POLQ: variants seen among roughly 807,000 people sequenced by gnomAD.
The protein encoded by POLQ is DNA polymerase theta.
A neutral mutation model predicts 259.2 loss-of-function variants in POLQ; 233 were observed. The ratio of observed to expected loss-of-function variants is 0.90; its 90% CI spans 0.81 to 1.00. The LOEUF (loss-of-function observed/expected upper bound fraction) is 1.00. Among genes scored for constraint, POLQ ranks in the 50% least tolerant of loss-of-function variants. The probability of loss-of-function intolerance (pLI) is 0.00; values close to 1 mark genes in which losing one functional copy is unlikely to be tolerated. For synonymous variants in POLQ, 1,025 were observed against 1,048.8 expected (o/e 0.98, Z 0.44); for missense variants, 2,871 against 3,051.6 (o/e 0.94, Z 1.39).
intron 25 of POLQ, among the ~76,000 whole-genome samples, chr3:121,453,723 A>G (rs542585431): frequency 1.3e-5 from 2 of 152,290 alleles, no homozygotes; most frequent in Admixed American, 1.3e-4. Flanking sequence ...AAGAAATATG[A>G]GATTATGTGA....
Position 121,432,423 on chromosome 3 carries a change from GAA to G in POLQ, c.7660-8_7660-7del. 4 of 1,460,696 alleles carry G rather than the reference GAA, an allele frequency of 2.7e-6. No homozygotes were observed. The highest frequency in any genetic ancestry group is 2.5e-5 in the East Asian group (1 of 40,250). 90.5% of individuals were successfully genotyped at this position (1,460,696 alleles called of 1,614,324 possible). A position where few individuals can be genotyped will look rare whatever the true frequency, so the allele number is the denominator to read the frequency against. Reference sequence around the variant, plus strand: ...TTCTTGACAATCTGAGCTACCTAAGGAAAAAAAAAATGTAGTTAACAAACTGC... The same window carrying G: ...TTCTTGACAATCTGAGCTACCTAAGGAAAAAAAATGTAGTTAACAAACTGC... On this transcript the variant is annotated splice_polypyrimidine_tract_variant and splice_region_variant and intron_variant, in intron 29 of 29. Transcript: ENST00000264233.
rs771693032 is a variant in POLQ at position 121,488,183 on chromosome 3, T to C, written c.4748A>G (p.His1583Arg). ...VDIFPVQEKN[H>R]TVVSPRALEL... ...TAATGCTCTAGGAGATACTACAGTA[T>C]GATTCTTCTCTTGGACAGGAAATAT... The change falls in exon 16 of 30, where the codon CAT (histidine) becomes CGT (arginine). Residue 1583 changes from histidine to arginine, a missense_variant. His to Arg is a conservative substitution (Grantham distance 29). This residue lies in a region of POLQ where 2,080 missense variants were observed against 2,126.0 expected (regional missense o/e 0.98). Transcript: ENST00000264233. 3 of 1,613,642 alleles carry C rather than the reference T, an allele frequency of 1.9e-6. No homozygotes were observed. Among genetic ancestry groups the C allele is most frequent in the Non-Finnish European group, 2.5e-6 (3 of 1,179,836 alleles).
Position 121,521,988 on chromosome 3 carries a change from A to G in POLQ, c.1255+15T>C, listed in dbSNP as rs536492571. The G allele has an allele frequency of 1.9e-6, 3 of 1,538,598 alleles. No individual in the cohort carries two copies. In the Admixed American group the frequency reaches 6.7e-5, roughly 34 times the overall value. On this transcript the variant is annotated intron_variant, in intron 8 of 29. Coordinates refer to ENST00000264233, the MANE Select transcript of POLQ (RefSeq NM_199420.4). ...ATTTTGGAGGTTTCTTAATAACATT[A>G]TAAATATGAAATACCTGCATGATGA...
intron 20 of POLQ, among the ~76,000 whole-genome samples, chr3:121,475,412 TG>T (rs2047917626): frequency 6.6e-6 from 1 of 152,136 alleles, no homozygotes; most frequent in Admixed American, 6.6e-5. Context: ...AATTTCAAAC[TG>T]GATGTGCCAT....
intron 22 of POLQ, among the ~76,000 whole-genome samples, chr3:121,469,199 A>AG (rs2047863844): frequency 6.6e-6 from 1 of 151,882 alleles, no homozygotes; most frequent in Admixed American, 6.6e-5. Context: ...AAAAAAAAAA[A>AG]AAAAATGCTT....
chr3:121,519,856 T>G lies in POLQ; in HGVS notation c.1468+15A>C. ...CTTCAGCAATGCTGCTACAATTAAA[T>G]TCAAACTCACTTACCTACTGTGTCC... is the stretch of plus-strand genomic sequence containing the variant. On this transcript the variant is annotated intron_variant, in intron 9 of 29. Coordinates refer to ENST00000264233, the MANE Select transcript of POLQ (RefSeq NM_199420.4). 1 of 1,390,776 alleles carries G rather than the reference T, an allele frequency of 7.2e-7. No individual in the cohort carries two copies. Among genetic ancestry groups the G allele is most frequent in the East Asian group, 2.3e-5 (1 of 43,766 alleles). The allele number at this position is 1,390,776 out of a possible 1,614,324, so 86.2% of individuals were successfully genotyped here. A position where few individuals can be genotyped will look rare whatever the true frequency, so the allele number is the denominator to read the frequency against.
At chr3:121,537,266 T>C in intron 4 of POLQ, 58 bp from the exon 5 acceptor site, 1 of 919,252 alleles carries the variant, frequency 1.1e-6, no homozygotes, top group South Asian at 1.4e-5. Flanking sequence ...TGAAGAATTT[T>C]TTTCCAACCT....
chr3:121,526,871 C>CCATA (rs879554189), intron 7 of POLQ, among the ~76,000 whole-genome samples: 1 of 145,232 alleles, frequency 6.9e-6, no homozygotes, highest in Non-Finnish European at 1.5e-5. Flanking sequence ...GTGTGTGTCT[C>CCATA]TGTATGTGTG....
chr3:121,477,834 TC>T (rs1439516644), intron 19 of POLQ, among the ~76,000 whole-genome samples: 2 of 152,056 alleles, frequency 1.3e-5, no homozygotes, highest in Non-Finnish European at 2.9e-5. Flanking sequence ...ATGAGAAATC[TC>T]CAGGGACACC....
intron 25 of POLQ, among the ~76,000 whole-genome samples, chr3:121,458,795 G>A (rs374178102): frequency 1.3e-5 from 2 of 152,112 alleles, no homozygotes; most frequent in Admixed American, 6.5e-5. Context: ...TCATGCCTAC[G>A]ATCCCAGCAC....
chr3:121,545,574 C>G (rs2108824440), intron 1 of POLQ, 141 bp downstream of exon 1: 2 of 760,506 alleles, frequency 2.6e-6, no homozygotes, highest in South Asian at 3.7e-5. Flanking sequence ...CCTGCCACAC[C>G]AGGCCCCAGT....
Position 121,537,230 on chromosome 3 carries a change from T to C in POLQ, c.632-22A>G, listed in dbSNP as rs199824029. 1.7e-4 allele frequency: 225 copies of C among 1,347,968 alleles called. 2 individuals are homozygous for C. The highest frequency in any genetic ancestry group is 6.7e-4 in the South Asian group (56 of 84,086). The allele number at this position is 1,347,968 out of a possible 1,614,324, so 83.5% of individuals were successfully genotyped here. A position where few individuals can be genotyped will look rare whatever the true frequency, so the allele number is the denominator to read the frequency against. On this transcript the variant is annotated intron_variant, in intron 4 of 29. Transcript: ENST00000264233. ...ATTCCTAAAAAGATTTTCCAGATAC[T>C]AGGTTTTTACAGAATGTCACATCCA...
chr3:121,499,910 C>T (rs2048153938), intron 12 of POLQ, among the ~76,000 whole-genome samples: 1 of 152,054 alleles, frequency 6.6e-6, no homozygotes, highest in African/African-American at 2.4e-5. Flanking sequence ...GGCATGATGC[C>T]AATGTCTCAT....
intron 4 of POLQ, 90 bp downstream of exon 4, chr3:121,539,343 C>T (rs2048472631): frequency 2.0e-6 from 2 of 1,005,812 alleles, no homozygotes; most frequent in East Asian, 2.4e-5. Flanking sequence ...AATAGGAAAA[C>T]AAATGGGACC....
At chr3:121,534,001 C>T (rs2048431043) in intron 5 of POLQ, among the ~76,000 whole-genome samples, 1 of 151,450 alleles carries the variant, frequency 6.6e-6, no homozygotes, top group Admixed American at 6.6e-5. Flanking sequence ...CTCAGCCTCC[C>T]GAGTAGCTGG....
intron 14 of POLQ, chr3:121,494,723 C>G (rs1281393538): frequency 3.2e-6 from 5 of 1,575,744 alleles, no homozygotes; most frequent in African/African-American, 2.7e-5. Context: ...CGCCTTCACA[C>G]AGGTGAACTC....
At chr3:121,476,990 C>G (rs1026869616) in intron 19 of POLQ, among the ~76,000 whole-genome samples, 6 of 152,140 alleles carry the variant, frequency 3.9e-5, no homozygotes, top group African/African-American at 1.4e-4. Context: ...GTCTGGATTA[C>G]AAGAGACTGT....
At chr3:121,515,605 C>T (rs1326225340) in intron 9 of POLQ, among the ~76,000 whole-genome samples, 1 of 152,238 alleles carries the variant, frequency 6.6e-6, no homozygotes, top group African/African-American at 2.4e-5. Flanking sequence ...CAACTATCTA[C>T]AGAATCCAAA....
At chr3:121,531,678 T>G (rs1366824549) in intron 6 of POLQ, among the ~76,000 whole-genome samples, 2 of 152,068 alleles carry the variant, frequency 1.3e-5, no homozygotes, top group Non-Finnish European at 2.9e-5. Flanking sequence ...AGAGAACAAT[T>G]AGGAAATATT....
Sources: gnomAD v4.1 joint callset for allele counts (sites outside exome capture counted in the v4.1 genomes callset) on GRCh38, gnomAD v4.1.1 for gene constraint, gnomAD v4.1.1 regional missense constraint, MANE v1.5 for transcripts, NCBI Gene and HGNC (gene_info 2026-07-23, HGNC 2026-07-21) for gene names.